SPRTN: variants seen among roughly 807,000 people sequenced by gnomAD.
SPRTN encodes the protein SprT-like N-terminal domain.
A neutral mutation model predicts 31.9 loss-of-function variants in SPRTN; 11 were observed. The ratio of observed to expected loss-of-function variants is 0.34; its 90% CI spans 0.22 to 0.57. The LOEUF is 0.57. Ranked by LOEUF, SPRTN falls within the 20% of genes least tolerant of loss-of-function variation. SPRTN has a pLI of 0.86. For missense variants in SPRTN, 482 were observed against 590.1 expected (o/e 0.82, Z 1.90); for synonymous variants, 185 against 212.1 (o/e 0.87, Z 1.11).
intron 2 of SPRTN, among the ~76,000 whole-genome samples, chr1:231,346,952 G>A (rs572105058): frequency 1.5e-5 from 2 of 135,726 alleles, no homozygotes; most frequent in Non-Finnish European, 3.3e-5. Flanking sequence ...AAAAAAAAAA[G>A]AATTTTAAAG....
At chr1:231,340,054 A>C (rs1686824869) in intron 2 of SPRTN, 186 bp downstream of exon 2, 6 of 499,598 alleles carry the variant, frequency 1.2e-5, no homozygotes, top group African/African-American at 8.1e-5. Context: ...TAGTAAAAAA[A>C]AAAAAAACAA....
intron 3 of SPRTN, among the ~76,000 whole-genome samples, chr1:231,349,885 G>A (rs1229930375): frequency 2.0e-5 from 3 of 152,102 alleles, no homozygotes; most frequent in South Asian, 2.1e-4. Flanking sequence ...GGTAGCTCAC[G>A]CCTGTATTCG....
chr1:231,339,626 A>G, intron 1 of SPRTN, 143 bp from the exon 2 acceptor site: 1 of 882,062 alleles, frequency 1.1e-6, no homozygotes, highest in South Asian at 1.4e-5. Context: ...TAATTAGGTG[A>G]AATGCAAGTA....
chr1:231,340,068 A>C (rs1460755047), intron 2 of SPRTN, 200 bp downstream of exon 2: 2 of 469,482 alleles, frequency 4.3e-6, no homozygotes, highest in Non-Finnish European at 3.7e-6. Context: ...AAAACAAAAA[A>C]AAGGCTTCTA....
intron 1 of SPRTN, chr1:231,339,533 G>T (rs1367025960): frequency 2.8e-6 from 2 of 718,598 alleles, no homozygotes; most frequent in South Asian, 1.5e-5. Flanking sequence ...CTCAAGCAGG[G>T]TGGTGAGAGC....
chr1:231,354,308 A>G lies in SPRTN; in HGVS notation c.*947A>G, dbSNP rs1687330020. Reference sequence around the variant, plus strand: ...ATAGGGAAAGGACAAAGAGACTTTTATCAGTTTGCTTTTTGTCTTGTGGCT... The same window carrying G: ...ATAGGGAAAGGACAAAGAGACTTTTGTCAGTTTGCTTTTTGTCTTGTGGCT... On this transcript the variant is annotated 3_prime_UTR_variant, in exon 5 of 5. Transcript: ENST00000295050. 4 of 981,934 alleles carry G rather than the reference A, an allele frequency of 4.1e-6. No homozygotes were observed. The highest frequency in any genetic ancestry group is 1.1e-4 in the East Asian group (1 of 8,798). 60.8% of individuals were successfully genotyped at this position (981,934 alleles called of 1,614,324 possible).
chr1:231,338,754 G>T, intron 1 of SPRTN, 150 bp downstream of exon 1: 1 of 839,044 alleles, frequency 1.2e-6, no homozygotes, highest in Non-Finnish European at 1.8e-6. Context: ...TTCCTGCCTC[G>T]GCGTGTTTCT....
chr1:231,343,993 T>C (rs1686977184), intron 2 of SPRTN, among the ~76,000 whole-genome samples: 1 of 152,160 alleles, frequency 6.6e-6, no homozygotes, highest in Non-Finnish European at 1.5e-5. Context: ...GGGACTGTGT[T>C]GTGTATAGAT....
chr1:231,354,434 T>G lies in SPRTN; in HGVS notation c.*1073T>G, dbSNP rs1231233996. ...TGTTGTAATACAGGTGCACAAATCT[T>G]AAGTGCACAGCTGGGTAAACTTTTA... On this transcript the variant is annotated 3_prime_UTR_variant, in exon 5 of 5. Transcript: ENST00000295050. 3.1e-6 allele frequency: 3 copies of G among 967,836 alleles called. No individual in the cohort carries two copies. The East Asian group carries it at 3.4e-4, about 110-fold the overall frequency. The allele number at this position is 967,836 out of a possible 1,614,324, so 60.0% of individuals were successfully genotyped here.
intron 2 of SPRTN, among the ~76,000 whole-genome samples, chr1:231,340,421 G>A (rs1199547884): frequency 6.6e-6 from 1 of 152,162 alleles, no homozygotes; most frequent in Non-Finnish European, 1.5e-5. Context: ...CAACAGCCCT[G>A]TTTATGTTCA....
In SPRTN at chr1:231,352,803, T is replaced by G; in HGVS notation, c.912T>G (p.Phe304Leu). ...VRPNSKIKVK[F>L]EQNGSSKNSH... ...CTAATTCTAAAATCAAGGTGAAATT[T>G]GAACAGAATGGTTCAAGTAAAAATT... The change falls in exon 5 of 5, where the codon TTT (phenylalanine) becomes TTG (leucine). Residue 304 changes from phenylalanine (F) to leucine (L), a missense_variant. This residue lies in a region of SPRTN where 325 missense variants were observed against 350.2 expected (regional missense o/e 0.93). Coordinates refer to ENST00000295050, the MANE Select transcript of SPRTN (RefSeq NM_032018.7). The G allele has an allele frequency of 6.2e-7, 1 of 1,613,830 alleles. No individual in the cohort carries two copies. The highest frequency in any genetic ancestry group is 1.7e-5 in the Admixed American group (1 of 59,978).
chr1:231,353,173 A>T lies in SPRTN; in HGVS notation c.1282A>T (p.Lys428Ter). The change falls in exon 5 of 5, where the codon AAA becomes TAA. Residue 428 changes from lysine (K) to a stop codon, truncating the protein, a stop_gained. Transcript: ENST00000295050. LOFTEE classifies it low-confidence loss of function (END_TRUNC). Reference sequence around the variant, plus strand: ...TTTTTTTATCAAGAAAGAGCAAATAAAAAGCAGTGGTAATGATCCAAAGTA... The same window carrying T: ...TTTTTTTATCAAGAAAGAGCAAATATAAAGCAGTGGTAATGATCCAAAGTA... ...DNFFIKKEQI[K>*]SSGNDPKYST... 6.2e-7 allele frequency: 1 copy of T among 1,612,616 alleles called. No individual in the cohort carries two copies. The highest frequency in any genetic ancestry group is 1.1e-5 in the South Asian group (1 of 90,624).
Position 231,353,090 on chromosome 1 carries a change from C to T in SPRTN, c.1199C>T (p.Ser400Phe), listed in dbSNP as rs191017643. The T allele has an allele frequency of 4.6e-5, 75 of 1,613,946 alleles. No individual in the cohort carries two copies. The East Asian group carries it at 1.6e-3, about 35-fold the overall frequency. The change falls in exon 5 of 5, where the codon TCT (serine) becomes TTT (phenylalanine). Residue 400 changes from serine to phenylalanine, a missense_variant. By Grantham distance (155) the Ser-to-Phe change is radical. Transcript: ENST00000295050. ...SVMPSQDVSG[S>F]EDTFPNKRPR... ...ATGCCATCCCAGGATGTGAGTGGGT[C>T]TGAAGATACATTCCCAAATAAACGA...
chr1:231,342,484 G>T (rs1439817502), intron 2 of SPRTN, among the ~76,000 whole-genome samples: 1 of 151,368 alleles, frequency 6.6e-6, no homozygotes, highest in East Asian at 1.9e-4. Context: ...AGGCTGGAGT[G>T]CAATGATATG....
intron 2 of SPRTN, 92 bp downstream of exon 2, chr1:231,339,960 TA>T: frequency 4.1e-6 from 5 of 1,213,580 alleles, no homozygotes; most frequent in South Asian, 2.5e-5. Flanking sequence ...TATGTATCGT[TA>T]AAAAAAGTCA....
chr1:231,341,766 C>G (rs1168891293), intron 2 of SPRTN, among the ~76,000 whole-genome samples: 1 of 152,174 alleles, frequency 6.6e-6, no homozygotes. Context: ...ACAGGCGGAT[C>G]ACTTGAGGCC....
chr1:231,343,285 T>C (rs138707409), intron 2 of SPRTN, among the ~76,000 whole-genome samples: 1,591 of 151,880 alleles, frequency 0.01, 16 homozygotes, highest in South Asian at 0.026. Flanking sequence ...GTATATATAC[T>C]CTATAGCCTA....
intron 2 of SPRTN, among the ~76,000 whole-genome samples, chr1:231,342,573 G>A (rs1480785935): frequency 2.0e-5 from 3 of 151,836 alleles, no homozygotes; most frequent in Non-Finnish European, 2.9e-5. Context: ...TGCGATTAAA[G>A]GTGTGCGCCA....
At position 231,339,683 on chromosome 1, in the gene SPRTN, T is replaced by C. The variant is rs1686804086; in HGVS notation, c.222-86T>C. 20 of 1,317,230 alleles carry C rather than the reference T, an allele frequency of 1.5e-5. No homozygotes were observed. In the South Asian group the frequency reaches 2.4e-4, roughly 16 times the overall value. 81.6% of individuals were successfully genotyped at this position (1,317,230 alleles called of 1,614,324 possible). A position where few individuals can be genotyped will look rare whatever the true frequency, so the allele number is the denominator to read the frequency against. On this transcript the variant is annotated intron_variant, in intron 1 of 4. Transcript: ENST00000295050. ...ACTTTCATGAAAGCCATCTGCCAAC[T>C]GAGTTAGTGTGAACTGCCCAAGAAT... is the stretch of plus-strand genomic sequence containing the variant.
Sources: allele counts gnomAD v4.1 joint callset (sites outside exome capture counted in the v4.1 genomes callset), GRCh38; gene constraint gnomAD v4.1.1; regional missense constraint gnomAD v4.1.1; transcripts MANE v1.5; gene names NCBI Gene and HGNC (gene_info 2026-07-23, HGNC 2026-07-21).